CIMIP6: variants seen among roughly 807,000 people sequenced by gnomAD.
The protein encoded by CIMIP6 is ciliary microtubule inner protein 6, also known as uncharacterized protein C2orf73.
At chr2:54,348,549 C>T in the CIMIP6 span, among the ~76,000 whole-genome samples, 2 of 152,058 alleles carry the variant, frequency 1.3e-5, no homozygotes, top group African/African-American at 4.8e-5. Flanking sequence ...TCAACAAAGT[C>T]ATAATGTAAT....
chr2:54,369,096 T>C, the CIMIP6 span, among the ~76,000 whole-genome samples: 4 of 152,164 alleles, frequency 2.6e-5, no homozygotes, highest in South Asian at 8.3e-4. Context: ...CACAGGAGCC[T>C]GCAGCCATCA....
the CIMIP6 span, among the ~76,000 whole-genome samples, chr2:54,374,902 T>C: frequency 3.3e-4 from 50 of 152,364 alleles, no homozygotes; most frequent in Admixed American, 6.5e-4. Flanking sequence ...CTGCATTTTC[T>C]TCCCTGATCT....
the CIMIP6 span, among the ~76,000 whole-genome samples, chr2:54,336,127 A>C: frequency 6.6e-6 from 1 of 152,212 alleles, no homozygotes; most frequent in Non-Finnish European, 1.5e-5. Context: ...ACCTACCCTT[A>C]CACAGTAAAT....
At chr2:54,349,667 G>A in the CIMIP6 span, among the ~76,000 whole-genome samples, 2 of 152,004 alleles carry the variant, frequency 1.3e-5, no homozygotes, top group African/African-American at 4.8e-5. Context: ...TATCTTCTTT[G>A]ATGTTTTCAT....
the CIMIP6 span, among the ~76,000 whole-genome samples, chr2:54,345,464 T>C: frequency 6.6e-6 from 1 of 152,190 alleles, no homozygotes; most frequent in Non-Finnish European, 1.5e-5. Context: ...CGTAGGAATT[T>C]CATCTCCTGC....
chr2:54,336,716 G>T, the CIMIP6 span, among the ~76,000 whole-genome samples: 1 of 152,288 alleles, frequency 6.6e-6, no homozygotes, highest in East Asian at 1.9e-4. Flanking sequence ...TGCAAGGCAG[G>T]GTAAGGAATG....
At chr2:54,382,002 T>A in the CIMIP6 span, 1 of 1,523,862 alleles carries the variant, frequency 6.6e-7, no homozygotes, top group Non-Finnish European at 8.8e-7. Flanking sequence ...ATTAGCAGTT[T>A]CATTTTTATA....
chr2:54,335,095 A>G, the CIMIP6 span: 2 of 1,247,138 alleles, frequency 1.6e-6, no homozygotes, highest in Non-Finnish European at 2.2e-6. Flanking sequence ...TAATTTGGTC[A>G]CAGACTATAA....
the CIMIP6 span, among the ~76,000 whole-genome samples, chr2:54,376,381 C>G: frequency 1.3e-5 from 2 of 152,116 alleles, no homozygotes; most frequent in South Asian, 4.2e-4. Flanking sequence ...TAACTATATT[C>G]CTGTCGTCGT....
the CIMIP6 span, among the ~76,000 whole-genome samples, chr2:54,344,714 C>A: frequency 1.6e-5 from 1 of 62,962 alleles, no homozygotes; most frequent in African/African-American, 5.3e-5. Context: ...TCAAGCTGAT[C>A]CCCCGTCCCC....
the CIMIP6 span, among the ~76,000 whole-genome samples, chr2:54,368,597 A>G: frequency 6.6e-6 from 1 of 152,186 alleles, no homozygotes; most frequent in Non-Finnish European, 1.5e-5. Flanking sequence ...GGGGGCATTG[A>G]GCCATGCCAG....
chr2:54,360,584 T>C, the CIMIP6 span: 1 of 1,458,438 alleles, frequency 6.9e-7, no homozygotes, highest in African/African-American at 1.4e-5. Flanking sequence ...CAGATAAAAA[T>C]CTAATCCCTG....
At chr2:54,346,999 C>A in the CIMIP6 span, among the ~76,000 whole-genome samples, 1 of 152,172 alleles carries the variant, frequency 6.6e-6, no homozygotes, top group Non-Finnish European at 1.5e-5. Context: ...TAACTCAGAC[C>A]AAGGAGGTAG....
the CIMIP6 span, among the ~76,000 whole-genome samples, chr2:54,357,402 T>A: frequency 6.6e-6 from 1 of 152,168 alleles, no homozygotes; most frequent in African/African-American, 2.4e-5. Flanking sequence ...ACAGTTGATA[T>A]AAGCATATGG....
the CIMIP6 span, chr2:54,359,158 TTCTG>T: frequency 1.6e-5 from 13 of 800,876 alleles, no homozygotes; most frequent in African/African-American, 7.2e-5. Context: ...ATAATTATCT[TTCTG>T]TCTATTTAAA....
At chr2:54,363,235 A>C in the CIMIP6 span, among the ~76,000 whole-genome samples, 3 of 152,244 alleles carry the variant, frequency 2.0e-5, no homozygotes, top group East Asian at 5.8e-4. Context: ...GGTTATTATC[A>C]GTTTCTGTTG....
At chr2:54,370,737 G>A in the CIMIP6 span, among the ~76,000 whole-genome samples, 2 of 152,196 alleles carry the variant, frequency 1.3e-5, no homozygotes, top group Admixed American at 6.5e-5. Context: ...CTGAATGGAG[G>A]GGTGGGCTGT....
chr2:54,367,003 A>G, the CIMIP6 span, among the ~76,000 whole-genome samples: 2 of 152,084 alleles, frequency 1.3e-5, no homozygotes, highest in African/African-American at 4.8e-5. Context: ...AAGGTAACTT[A>G]CCCAAGGTCA....
the CIMIP6 span, among the ~76,000 whole-genome samples, chr2:54,357,077 T>A: frequency 6.6e-6 from 1 of 152,232 alleles, no homozygotes; most frequent in African/African-American, 2.4e-5. Flanking sequence ...TTCTGTTTTC[T>A]AGCAAGTTCT....
Sources: gnomAD v4.1 joint callset for allele counts (sites outside exome capture counted in the v4.1 genomes callset) on GRCh38, gnomAD v4.1.1 for gene constraint, MANE v1.5 for transcripts, NCBI Gene and HGNC (gene_info 2026-07-23, HGNC 2026-07-21) for gene names.